GK5: variants seen among roughly 807,000 people sequenced by gnomAD.
GK5 encodes the protein glycerol kinase 5.
GK5 carries 39 observed loss-of-function variants against 77.3 expected under a neutral mutation model. The observed-to-expected ratio is 0.50, with a 90% CI of 0.39 to 0.66. The LOEUF is 0.66. Among genes scored for constraint, GK5 ranks in the 30% least tolerant of loss-of-function variants. The pLI, the probability that GK5 is intolerant of heterozygous loss-of-function variation, is 0.00. For synonymous variants in GK5, 211 were observed against 208.0 expected, an observed-to-expected ratio of 1.01 and a Z score of -0.13; for missense variants, 487 against 633.8, an observed-to-expected ratio of 0.77 and a Z score of 2.49.
intron 9 of GK5, 69 bp downstream of exon 9, chr3:142,185,860 T>A: frequency 3.9e-6 from 6 of 1,550,330 alleles, no homozygotes; most frequent in Non-Finnish European, 5.2e-6. Flanking sequence ...TTAAAGCTAG[T>A]CTCAATTATT....
intron 1 of GK5, among the ~76,000 whole-genome samples, chr3:142,218,540 C>CA (rs569737640): frequency 0.012 from 683 of 58,564 alleles, 11 homozygotes; most frequent in East Asian, 0.11. Flanking sequence ...GGCTCCATCT[C>CA]AAAAAAAAAA....
intron 4 of GK5, among the ~76,000 whole-genome samples, chr3:142,202,134 C>A (rs1339930208): frequency 2.6e-5 from 4 of 152,086 alleles, no homozygotes; most frequent in Admixed American, 2.0e-4. Flanking sequence ...TAATCTTTAG[C>A]AACCTCAGGG....
Position 142,224,815 on chromosome 3 carries a change from T to C in GK5, c.147+494A>G, listed in dbSNP as rs528542585. ...AATTCTACAAAGATATGAAAAGTTA[T>C]TGAGGCACAAGTCCAAAGGCTATAA... is the stretch of plus-strand genomic sequence containing the variant. On this transcript the variant is annotated intron_variant, in intron 1 of 15. Coordinates refer to ENST00000392993, the MANE Select transcript of GK5 (RefSeq NM_001039547.3). 2.4e-4 allele frequency among the ~76,000 whole-genome samples: 36 copies of C among 152,270 alleles called. 1 individual carries two copies. The highest frequency in any genetic ancestry group is 1.1e-3 in the Admixed American group (17 of 15,294).
At chr3:142,166,871 T>C (rs1428986280) in intron 15 of GK5, among the ~76,000 whole-genome samples, 1 of 152,184 alleles carries the variant, frequency 6.6e-6, no homozygotes, top group East Asian at 1.9e-4. Flanking sequence ...TAGTCTGAAA[T>C]GATACAGGTA....
intron 12 of GK5, among the ~76,000 whole-genome samples, 158 bp from the exon 13 acceptor site, chr3:142,172,614 C>A (rs995773569): frequency 4.6e-5 from 7 of 152,056 alleles, no homozygotes; most frequent in Non-Finnish European, 5.9e-5. Flanking sequence ...ATTGGGATAA[C>A]TTTTTAACAG....
intron 3 of GK5, among the ~76,000 whole-genome samples, chr3:142,211,571 C>A (rs556829965): frequency 9.7e-4 from 148 of 152,272 alleles, no homozygotes; most frequent in African/African-American, 3.4e-3. Flanking sequence ...GCAGGCAGAT[C>A]ACTTGAGGCT....
chr3:142,201,452 C>G (rs1013666819), intron 4 of GK5, among the ~76,000 whole-genome samples: 1 of 152,036 alleles, frequency 6.6e-6, no homozygotes, highest in Admixed American at 6.6e-5. Flanking sequence ...AAATGGAGGA[C>G]AGATTAGTGG....
intron 5 of GK5, among the ~76,000 whole-genome samples, chr3:142,197,425 A>G (rs2107786775): frequency 6.6e-6 from 1 of 152,324 alleles, no homozygotes; most frequent in East Asian, 1.9e-4. Flanking sequence ...TGATGTTAAT[A>G]TAACCACTCC....
At chr3:142,176,914 G>A (rs1175879303) in intron 12 of GK5, among the ~76,000 whole-genome samples, 2 of 152,026 alleles carry the variant, frequency 1.3e-5, no homozygotes, top group African/African-American at 4.8e-5. Flanking sequence ...ACCCGCCTCG[G>A]CCTCCCAAAG....
chr3:142,160,622 G>C lies in GK5; in HGVS notation c.*5000C>G, dbSNP rs922579789. ...AATATATAAAACCTGTGAAGAGAAA[G>C]GCTTCAATTAAAGCTTAAAAAGTTA... On this transcript the variant is annotated 3_prime_UTR_variant, in exon 16 of 16. Transcript: ENST00000392993. 2.0e-5 allele frequency: 3 copies of C among 152,116 alleles called. No individual in the cohort carries two copies. The highest frequency in any genetic ancestry group is 2.9e-5 in the Non-Finnish European group (2 of 68,016). 9.4% of individuals were successfully genotyped at this position (152,116 alleles called of 1,614,324 possible).
chr3:142,182,853 G>A, intron 10 of GK5, 70 bp downstream of exon 10: 2 of 1,049,444 alleles, frequency 1.9e-6, no homozygotes, highest in Non-Finnish European at 2.9e-6. Flanking sequence ...AATAGTATAA[G>A]TATCACAGAA....
intron 1 of GK5, among the ~76,000 whole-genome samples, chr3:142,221,415 T>G (rs1281510931): frequency 6.6e-6 from 1 of 152,196 alleles, no homozygotes; most frequent in Non-Finnish European, 1.5e-5. Flanking sequence ...TCCCCCCACT[T>G]TACCAATCAG....
At chr3:142,173,153 A>T in intron 12 of GK5, 1 of 432,628 alleles carries the variant, frequency 2.3e-6, no homozygotes, top group Non-Finnish European at 4.6e-6. Context: ...ATGAGCCGTG[A>T]TCGCGTTACT....
Position 142,225,532 on chromosome 3 carries a change from G to T in GK5, c.-77C>A, listed in dbSNP as rs1321125731. The T allele has an allele frequency of 3.3e-6, 5 of 1,520,614 alleles. No individual in the cohort carries two copies. In the East Asian group the frequency reaches 1.3e-4, roughly 39 times the overall value. The allele number at this position is 1,520,614 out of a possible 1,614,324, so 94.2% of individuals were successfully genotyped here. On this transcript the variant is annotated 5_prime_UTR_variant, in exon 1 of 16. Transcript: ENST00000392993. Reference sequence around the variant, plus strand: ...CAAATCCCAATGCTCCAGAGTCCCCGGGCGGCCCAACCCGGGCCCCAACCC... The same window carrying T: ...CAAATCCCAATGCTCCAGAGTCCCCTGGCGGCCCAACCCGGGCCCCAACCC...
intron 4 of GK5, among the ~76,000 whole-genome samples, chr3:142,201,445 T>G (rs1378956902): frequency 6.6e-6 from 1 of 152,170 alleles, no homozygotes; most frequent in Non-Finnish European, 1.5e-5. Context: ...ATTTTTTAAA[T>G]GGAGGACAGA....
intron 1 of GK5, among the ~76,000 whole-genome samples, chr3:142,223,356 G>A (rs989925641): frequency 1.1e-4 from 17 of 152,194 alleles, no homozygotes; most frequent in Non-Finnish European, 2.2e-4. Flanking sequence ...AAAAAGTATC[G>A]TTTTTGTGAT....
intron 5 of GK5, among the ~76,000 whole-genome samples, chr3:142,188,951 C>T (rs1394808653): frequency 6.6e-6 from 1 of 152,206 alleles, no homozygotes; most frequent in Non-Finnish European, 1.5e-5. Flanking sequence ...TACTGAAAAA[C>T]AATTTCTTGA....
Position 142,184,260 on chromosome 3 carries a change from C to CAAAAAAAAA in GK5, c.817-1220_817-1212dup, listed in dbSNP as rs1161704184. On this transcript the variant is annotated intron_variant, in intron 9 of 15. Transcript: ENST00000392993. ...TGGGCGACAGAGTGAGACTCTGTCTCAAAAAAAAAAAAAAAAAAAAAAAAA... is the reference window on the plus strand; with the variant it reads ...TGGGCGACAGAGTGAGACTCTGTCTCAAAAAAAAAAAAAAAAAAAAAAAAAAAAAAAAAA... Among the ~76,000 whole-genome samples the CAAAAAAAAA allele has an allele frequency of 2.1e-3, 22 of 10,662 alleles. 1 individual carries two copies. Among genetic ancestry groups the CAAAAAAAAA allele is most frequent in the African/African-American group, 3.1e-3 (8 of 2,566 alleles). 7.0% of individuals were successfully genotyped at this position (10,662 alleles called of 152,430 possible). A position where few individuals can be genotyped will look rare whatever the true frequency, so the allele number is the denominator to read the frequency against.
intron 9 of GK5, chr3:142,185,471 C>A: frequency 2.1e-6 from 2 of 966,724 alleles, no homozygotes; most frequent in Non-Finnish European, 2.5e-6. Context: ...AACTTATTTA[C>A]TGGTAGATGA....
Sources: gnomAD v4.1 joint callset for allele counts (sites outside exome capture counted in the v4.1 genomes callset) on GRCh38, gnomAD v4.1.1 for gene constraint, MANE v1.5 for transcripts, NCBI Gene and HGNC (gene_info 2026-07-23, HGNC 2026-07-21) for gene names.